NRXN3: variants seen among roughly 807,000 people sequenced by gnomAD.
NRXN3 encodes neurexin III.
In NRXN3, 32 loss-of-function variants were observed where a neutral mutation model predicts 137.6. The ratio of observed to expected loss-of-function variants is 0.23; its 90% confidence interval spans 0.18 to 0.31. The LOEUF is 0.31. Among genes scored for constraint, NRXN3 ranks in the 10% least tolerant of loss-of-function variants. The pLI, the probability that NRXN3 is intolerant of heterozygous loss-of-function variation, is 1.00. For missense variants in NRXN3, 1,574 were observed against 2,062.5 expected (o/e 0.76, Z 4.59); for synonymous variants, 798 against 784.5 (o/e 1.02, Z -0.29).
chr14:78,254,768 G>A (rs926551243), intron 2 of NRXN3, among the ~76,000 whole-genome samples: 1 of 152,146 alleles, frequency 6.6e-6, no homozygotes, highest in Admixed American at 6.5e-5. Flanking sequence ...GCCCATCATG[G>A]TAGCCAGAGT....
intron 15 of NRXN3, among the ~76,000 whole-genome samples, chr14:79,382,213 A>T (rs999713630): frequency 6.6e-6 from 1 of 152,220 alleles, no homozygotes; most frequent in Non-Finnish European, 1.5e-5. Flanking sequence ...TGTTAGCTGC[A>T]GTGGGTGCAA....
rs1183105650 is a variant in NRXN3, at chr14:79,551,143, A to C, written c.3444+83741A>C. Among the ~76,000 whole-genome samples, 6 of 152,300 alleles carry C rather than the reference A, an allele frequency of 3.9e-5. No homozygotes were observed. The East Asian group carries it at 1.2e-3, about 29-fold the overall frequency. On this transcript the variant is annotated intron_variant, in intron 16 of 20. Coordinates refer to ENST00000335750, the MANE Select transcript of NRXN3 (RefSeq NM_001330195.2). ...GTTATCTCCCAGGATTGTTAAGAGA[A>C]GTTTCCTTTAAATGTTCAGAATAGT...
At chr14:78,770,253 C>CT (rs1165893978) in intron 8 of NRXN3, among the ~76,000 whole-genome samples, 3 of 152,210 alleles carry the variant, frequency 2.0e-5, no homozygotes, top group Non-Finnish European at 4.4e-5. Flanking sequence ...GGTTTAGGAA[C>CT]TGAACCCAGG....
At chr14:78,669,856 TG>T (rs1407983344) in intron 6 of NRXN3, among the ~76,000 whole-genome samples, 1 of 152,162 alleles carries the variant, frequency 6.6e-6, no homozygotes, top group Non-Finnish European at 1.5e-5. Flanking sequence ...TTAAATTTTA[TG>T]TATTTATTTA....
intron 20 of NRXN3, among the ~76,000 whole-genome samples, chr14:79,857,924 C>T (rs560319252): frequency 1.3e-5 from 2 of 152,148 alleles, no homozygotes; most frequent in East Asian, 1.9e-4. Context: ...TCATTTTTAT[C>T]GCTGCTACCG....
intron 15 of NRXN3, among the ~76,000 whole-genome samples, chr14:79,356,499 A>G (rs956454480): frequency 2.6e-5 from 4 of 152,294 alleles, no homozygotes; most frequent in Admixed American, 1.3e-4. Flanking sequence ...AAGAGTGTTT[A>G]TGTTTCAAAT....
intron 15 of NRXN3, among the ~76,000 whole-genome samples, chr14:79,051,591 A>G (rs772047770): frequency 2.8e-4 from 42 of 152,238 alleles, no homozygotes; most frequent in Non-Finnish European, 5.0e-4. Context: ...TAGCTATTTC[A>G]GAGCTGGAAA....
At chr14:78,576,486 A>C (rs1388538235) in intron 4 of NRXN3, among the ~76,000 whole-genome samples, 1 of 152,168 alleles carries the variant, frequency 6.6e-6, no homozygotes, top group Admixed American at 6.5e-5. Context: ...GAAAACTACT[A>C]TTACTATTTT....
At chr14:79,765,047 C>T (rs1217064633) in intron 19 of NRXN3, among the ~76,000 whole-genome samples, 1 of 152,194 alleles carries the variant, frequency 6.6e-6, no homozygotes, top group East Asian at 1.9e-4. Context: ...CATCCATGCA[C>T]ATTCATGCAC....
At chr14:79,193,686 A>C (rs2064737817) in intron 15 of NRXN3, among the ~76,000 whole-genome samples, 1 of 152,230 alleles carries the variant, frequency 6.6e-6, no homozygotes, top group South Asian at 2.1e-4. Flanking sequence ...TCTCATTTCA[A>C]TCACAGTTAT....
intron 10 of NRXN3, among the ~76,000 whole-genome samples, chr14:78,850,410 A>G (rs2099039406): frequency 2.0e-5 from 3 of 152,168 alleles, no homozygotes; most frequent in Non-Finnish European, 4.4e-5. Flanking sequence ...CCCAGGGGTT[A>G]AAACTAACCA....
chr14:79,113,933 G>A (rs1171520525), intron 15 of NRXN3, among the ~76,000 whole-genome samples: 1 of 152,132 alleles, frequency 6.6e-6, no homozygotes, highest in East Asian at 1.9e-4. Context: ...TACTGTCCAC[G>A]CTGCTAGTCT....
chr14:79,704,064 C>CATCA (rs2098766295), intron 19 of NRXN3, among the ~76,000 whole-genome samples: 1 of 152,116 alleles, frequency 6.6e-6, no homozygotes, highest in African/African-American at 2.4e-5. Context: ...GCCCCAAGCT[C>CATCA]ATCAATCAGG....
chr14:79,144,334 A>G (rs1197289542), intron 15 of NRXN3, among the ~76,000 whole-genome samples: 1 of 152,028 alleles, frequency 6.6e-6, no homozygotes, highest in Non-Finnish European at 1.5e-5. Flanking sequence ...TTTTAGTGCA[A>G]CTCTGCTTTG....
rs544410070 is a variant in NRXN3 at position 79,246,486 on chromosome 14, G to A, written c.3263-220735G>A. Among the ~76,000 whole-genome samples, 42 of 152,208 alleles carry A rather than the reference G, an allele frequency of 2.8e-4. No homozygotes were observed. In the South Asian group the frequency reaches 8.5e-3, roughly 31 times the overall value. On this transcript the variant is annotated intron_variant, in intron 15 of 20. Transcript: ENST00000335750. ...GCTAGCCGATCCTCTCCATCCAGTG[G>A]AATCCAGCCTTGTCTTTATCTAGCA...
At chr14:78,827,313 C>T (rs1415113544) in intron 10 of NRXN3, among the ~76,000 whole-genome samples, 1 of 151,018 alleles carries the variant, frequency 6.6e-6, no homozygotes, top group Non-Finnish European at 1.5e-5. Context: ...GAAATAATTA[C>T]CTATTCACCA....
At chr14:79,200,939 A>G (rs895736021) in intron 15 of NRXN3, 1 of 149,126 alleles carries the variant, frequency 6.7e-6, no homozygotes, top group Non-Finnish European at 1.5e-5. Flanking sequence ...TTTTGGAAAT[A>G]CGTATTATAT....
chr14:78,593,746 T>C (rs1380054159), intron 4 of NRXN3, among the ~76,000 whole-genome samples: 1 of 152,002 alleles, frequency 6.6e-6, no homozygotes, highest in Non-Finnish European at 1.5e-5. Context: ...GGACCTGGTT[T>C]AAAGAGGCTT....
intron 15 of NRXN3, among the ~76,000 whole-genome samples, chr14:79,406,885 T>C (rs544049527): frequency 6.6e-6 from 1 of 152,284 alleles, no homozygotes; most frequent in African/African-American, 2.4e-5. Flanking sequence ...AAAAGTAAGA[T>C]TCACCAGTAT....
Sources: allele counts gnomAD v4.1 joint callset (sites outside exome capture counted in the v4.1 genomes callset), GRCh38; gene constraint gnomAD v4.1.1; transcripts MANE v1.5; gene names NCBI Gene and HGNC (gene_info 2026-07-23, HGNC 2026-07-21).